Variants in RNF213 observed in about 807,000 individuals in gnomAD.
RNF213 encodes the protein ring finger protein 213.
Under a neutral mutation model 514.4 loss-of-function variants are expected in RNF213, and 341 were observed. The observed-to-expected ratio is 0.66, with a 90% CI of 0.61 to 0.73. The LOEUF (loss-of-function observed/expected upper bound fraction) is 0.73. RNF213 is among the 30% of genes least tolerant of loss of function. The probability of loss-of-function intolerance (pLI) is 0.00; values close to 1 mark genes in which losing one functional copy is unlikely to be tolerated. For synonymous variants in RNF213, 2,655 were observed against 2,658.2 expected, an observed-to-expected ratio of 1.00 and a Z score of 0.04; for missense variants, 5,767 against 6,615.6, an observed-to-expected ratio of 0.87 and a Z score of 4.45.
intron 22 of RNF213, among the ~76,000 whole-genome samples, chr17:80,335,656 C>T (rs116211382): frequency 0.012 from 1,844 of 152,188 alleles, 44 homozygotes; most frequent in African/African-American, 0.042. Context: ...TGCTCAGGAA[C>T]GGCAAGATAT....
chr17:80,310,273 A>T (rs955615438), intron 14 of RNF213, among the ~76,000 whole-genome samples: 1 of 151,320 alleles, frequency 6.6e-6, no homozygotes, highest in Admixed American at 6.6e-5. Flanking sequence ...TTTTTTTGAG[A>T]TGGAGTTTTG....
rs538068274 is a variant in RNF213, at chr17:80,390,792, G to A, written c.15470+596G>A. The stretch of plus-strand genomic sequence containing the variant: ...GAAAAAGCTATCCTAGGCCGGGTGT[G>A]GAGGCTTACCCTGTAATCCCAGCAC... On this transcript the variant is annotated intron_variant, in intron 67 of 67. Coordinates refer to ENST00000582970, the MANE Select transcript of RNF213 (RefSeq NM_001256071.3). 3.3e-5 allele frequency among the ~76,000 whole-genome samples: 5 copies of A among 152,284 alleles called. No individual in the cohort carries two copies. The South Asian group carries it at 1.0e-3, about 32-fold the overall frequency.
intron 38 of RNF213, among the ~76,000 whole-genome samples, chr17:80,360,984 G>A (rs984858335): frequency 1.3e-5 from 2 of 151,980 alleles, no homozygotes; most frequent in Non-Finnish European, 2.9e-5. Context: ...GCTGCACCCC[G>A]CCCACTAGAA....
chr17:80,357,105 C>T (rs889109331), intron 36 of RNF213, among the ~76,000 whole-genome samples: 8 of 152,014 alleles, frequency 5.3e-5, no homozygotes, highest in African/African-American at 1.7e-4. Flanking sequence ...TTAGTAGAGA[C>T]GGGATTTCAC....
In RNF213 at chr17:80,303,567, CTT is replaced by C. The variant is rs61546164; in HGVS notation, c.2211-2670_2211-2669del. On this transcript the variant is annotated intron_variant, in intron 11 of 67. Coordinates refer to ENST00000582970, the MANE Select transcript of RNF213 (RefSeq NM_001256071.3). ...TTCCTTTTCTTTTTTCTTTTCTTTT[CTT>C]TTTTTTTTTTTTTTGAGACAGTCCT... 1.6e-3 allele frequency among the ~76,000 whole-genome samples: 208 copies of C among 130,866 alleles called. 1 individual carries two copies. Among genetic ancestry groups the C allele is most frequent in the African/African-American group, 5.2e-3 (167 of 31,844 alleles). 85.9% of individuals were successfully genotyped at this position (130,866 alleles called of 152,430 possible). A position where few individuals can be genotyped will look rare whatever the true frequency, so the allele number is the denominator to read the frequency against.
At chr17:80,304,655 TAAA>T (rs113653790) in intron 11 of RNF213, among the ~76,000 whole-genome samples, 3,020 of 146,610 alleles carry the variant, frequency 0.021, 103 homozygotes, top group African/African-American at 0.069. Flanking sequence ...AATAAATAAA[TAAA>T]TAATAATAAT....
At chr17:80,361,697 ACGCACTCCAGGC>A in intron 38 of RNF213, 25 bp from the exon 39 acceptor site, 1 of 1,609,372 alleles carries the variant, frequency 6.2e-7, no homozygotes, top group Non-Finnish European at 8.5e-7. Flanking sequence ...CATGACTTAG[ACGCACTCCAGGC>A]CGCTCCTTGG....
At chr17:80,290,526 A>C (rs1389163252) in intron 6 of RNF213, 44 bp from the exon 7 acceptor site, 1 of 1,611,852 alleles carries the variant, frequency 6.2e-7, no homozygotes, top group Admixed American at 1.7e-5. Context: ...TGGCAGGTGG[A>C]CAGATCTCAC....
chr17:80,277,037 C>T (rs918659503), intron 3 of RNF213, among the ~76,000 whole-genome samples: 2 of 150,264 alleles, frequency 1.3e-5, no homozygotes, highest in African/African-American at 2.5e-5. Context: ...AGCCTGGCAA[C>T]AGAGCGAGAC....
rs755192641 is a variant in RNF213, at chr17:80,294,838, T to C, written c.1590T>C (p.Ala530=). The C allele has an allele frequency of 3.7e-6, 6 of 1,614,218 alleles. No homozygotes were observed. The highest frequency in any genetic ancestry group is 5.1e-6 in the Non-Finnish European group (6 of 1,180,038). ...KDLVKGKQIA[A]ALMLDSTFSI... Reference sequence around the variant, plus strand: ...TGGTGAAGGGGAAGCAGATTGCCGCTGCGCTCATGCTGGACAGCACCTTCA... The same window carrying C: ...TGGTGAAGGGGAAGCAGATTGCCGCCGCGCTCATGCTGGACAGCACCTTCA... Residue 530 remains alanine (A), a synonymous_variant, in exon 9 of 68, where the codon GCT becomes GCC. Coordinates refer to ENST00000582970, the MANE Select transcript of RNF213 (RefSeq NM_001256071.3).
intron 13 of RNF213, among the ~76,000 whole-genome samples, chr17:80,307,428 A>G (rs904071551): frequency 6.7e-6 from 1 of 149,120 alleles, no homozygotes; most frequent in Non-Finnish European, 1.5e-5. Context: ...CAGTGACGCA[A>G]TCTTAGCTCA....
Position 80,353,998 on chromosome 17 carries a change from CCCAA to C in RNF213, c.10579-18_10579-15del. On this transcript the variant is annotated splice_polypyrimidine_tract_variant and intron_variant, in intron 34 of 67. Coordinates refer to ENST00000582970, the MANE Select transcript of RNF213 (RefSeq NM_001256071.3). This position sits in a 1 kb window ranked among gnomAD's most constrained non-coding sequence, Gnocchi z 5.0. ...CTGTGTCAGTGGCAGAAACGGATGACCCAACCGTCTCCACCAACAGGTGTCGATC... is the reference window on the plus strand; with the variant it reads ...CTGTGTCAGTGGCAGAAACGGATGACCCGTCTCCACCAACAGGTGTCGATC... The C allele has an allele frequency of 6.2e-7, 1 of 1,613,500 alleles. No homozygotes were observed. Among genetic ancestry groups the C allele is most frequent in the South Asian group, 1.1e-5 (1 of 91,080 alleles).
chr17:80,311,250 G>A (rs150660510), intron 14 of RNF213, among the ~76,000 whole-genome samples: 2 of 152,282 alleles, frequency 1.3e-5, no homozygotes, highest in African/African-American at 4.8e-5. Context: ...GCAAAAATAC[G>A]TGACGCATGT....
At chr17:80,378,187 G>C (rs946058610) in intron 54 of RNF213, among the ~76,000 whole-genome samples, 2 of 152,234 alleles carry the variant, frequency 1.3e-5, no homozygotes, top group Non-Finnish European at 2.9e-5. Context: ...ATTCTTTCTA[G>C]CCACTGCAGC....
intron 12 of RNF213, 32 bp downstream of exon 12, chr17:80,306,500 G>A: frequency 6.3e-7 from 1 of 1,597,778 alleles, no homozygotes; most frequent in Non-Finnish European, 8.6e-7. Context: ...TGGAGTCCTG[G>A]CTTAGCAAAA....
rs143360509 is a variant in RNF213 at position 80,295,646 on chromosome 17, A to G, written c.1845A>G (p.Pro615=). 1.4e-4 allele frequency: 233 copies of G among 1,614,128 alleles called. No individual in the cohort carries two copies. The highest frequency in any genetic ancestry group is 3.3e-4 in the Middle Eastern group (2 of 6,062). The change falls in exon 10 of 68, where the codon CCA becomes CCG. Residue 615 remains proline, a synonymous_variant. Transcript: ENST00000582970. ...CGGACTTTTTGCCTGTGGACTGCCC[A>G]GTGAGGAGTAAACTGAAAACAGGCC... ...KSTDFLPVDC[P]VRSKLKTGLI... is the part of the protein sequence containing the mutation.
chr17:80,311,444 T>TG lies in RNF213; in HGVS notation c.2656-1562dup, dbSNP rs896591628. ...ATTGTTCTAGAAGGAGCTGTGCCAT[T>TG]GGGGGGACCTTCAGCAGTGCCTGTT... On this transcript the variant is annotated intron_variant, in intron 14 of 67. Coordinates refer to ENST00000582970, the MANE Select transcript of RNF213 (RefSeq NM_001256071.3). Among the ~76,000 whole-genome samples, 18 of 152,166 alleles carry TG rather than the reference T, an allele frequency of 1.2e-4. 1 individual carries two copies. The highest frequency in any genetic ancestry group is 8.5e-4 in the Admixed American group (13 of 15,270).
At chr17:80,292,795 C>G (rs1027406592) in intron 8 of RNF213, among the ~76,000 whole-genome samples, 2 of 152,096 alleles carry the variant, frequency 1.3e-5, no homozygotes, top group African/African-American at 2.4e-5. Flanking sequence ...CTTCCCCTCG[C>G]TCCCCCTCCC....
chr17:80,383,091 G>A (rs1477702690), intron 58 of RNF213, 21 bp downstream of exon 58: 6 of 1,564,480 alleles, frequency 3.8e-6, no homozygotes, highest in South Asian at 3.3e-5. Flanking sequence ...AGTGCTGACA[G>A]CTGGGTTGCT....
Sources: gnomAD v4.1 joint callset for allele counts (sites outside exome capture counted in the v4.1 genomes callset) on GRCh38, gnomAD v4.1.1 for gene constraint, Gnocchi (gnomAD v3.1) non-coding constraint, MANE v1.5 for transcripts, NCBI Gene and HGNC (gene_info 2026-07-23, HGNC 2026-07-21) for gene names.